Variants in SPINK5 observed in about 807,000 individuals in gnomAD.
SPINK5 encodes the protein serine peptidase inhibitor Kazal type 5, also known as serine protease inhibitor Kazal-type 5.
Under a neutral mutation model 151.8 loss-of-function variants are expected in SPINK5, and 125 were observed. The observed-to-expected ratio is 0.82, with a 90% confidence interval of 0.71 to 0.96. SPINK5 has a LOEUF of 0.96. Among genes scored for constraint, SPINK5 ranks in the 40% least tolerant of loss-of-function variants. SPINK5 has a pLI of 0.00. For synonymous variants in SPINK5, 374 were observed against 395.3 expected (o/e 0.95, Z 0.64); for missense variants, 1,194 against 1,291.9 (o/e 0.92, Z 1.16).
chr5:148,126,654 C>T (rs1226211723), intron 29 of SPINK5, among the ~76,000 whole-genome samples: 2 of 152,124 alleles, frequency 1.3e-5, no homozygotes, highest in South Asian at 2.1e-4. Flanking sequence ...TGCAATGGTG[C>T]GATCTCAGTT....
intron 29 of SPINK5, among the ~76,000 whole-genome samples, 163 bp downstream of exon 29, chr5:148,126,013 A>C (rs958545179): frequency 1.3e-5 from 2 of 152,194 alleles, no homozygotes; most frequent in African/African-American, 4.8e-5. Flanking sequence ...AGTAGAAAGA[A>C]CACTGAGACT....
At chr5:148,101,120 T>A (rs983965638) in intron 13 of SPINK5, among the ~76,000 whole-genome samples, 2 of 152,116 alleles carry the variant, frequency 1.3e-5, no homozygotes, top group South Asian at 2.1e-4. Flanking sequence ...ACTTATTATT[T>A]CTATATCTTC....
In SPINK5 at chr5:148,086,392, A is replaced by G. The variant is rs1399641176; in HGVS notation, c.283-13A>G. On this transcript the variant is annotated splice_polypyrimidine_tract_variant and intron_variant, in intron 4 of 32. Transcript: ENST00000256084. The stretch of plus-strand genomic sequence containing the variant: ...TCTTACATTTTGACGTTCCTTGATC[A>G]TGTCTTTTGCAGCTGAATTGTGATG... 1.2e-6 allele frequency: 2 copies of G among 1,609,464 alleles called. No homozygotes were observed. The highest frequency in any genetic ancestry group is 2.2e-5 in the South Asian group (2 of 91,006).
intron 31 of SPINK5, among the ~76,000 whole-genome samples, chr5:148,132,212 C>T (rs373465638): frequency 1.7e-4 from 26 of 152,264 alleles, no homozygotes; most frequent in African/African-American, 6.0e-4. Context: ...TTCCCTTCTC[C>T]TGGCCACCAT....
At position 148,127,098 on chromosome 5, in the gene SPINK5, G is replaced by A; in HGVS notation, c.2964+19G>A. ...TTCTCTGGTAAGGAGGACTATTTCT[G>A]AAAAGCTACTTATCAATTTAATTTT... On this transcript the variant is annotated intron_variant, in intron 30 of 32. Transcript: ENST00000256084. 1 of 1,590,676 alleles carries A rather than the reference G, an allele frequency of 6.3e-7. No individual in the cohort carries two copies. Among genetic ancestry groups the A allele is most frequent in the Non-Finnish European group, 8.6e-7 (1 of 1,161,002 alleles).
intron 7 of SPINK5, among the ~76,000 whole-genome samples, chr5:148,090,343 G>A (rs1252966118): frequency 1.3e-5 from 2 of 151,758 alleles, no homozygotes; most frequent in East Asian, 3.9e-4. Context: ...ATTACAGTTA[G>A]TCCTTGTAGA....
At chr5:148,095,999 A>G (rs1581075224) in intron 10 of SPINK5, 94 bp downstream of exon 10, 1 of 940,886 alleles carries the variant, frequency 1.1e-6, no homozygotes, top group Non-Finnish European at 1.7e-6. Flanking sequence ...TGCACTTTCA[A>G]TATTGTTTAA....
chr5:148,105,476 T>C (rs1753756532), intron 16 of SPINK5, among the ~76,000 whole-genome samples: 1 of 152,248 alleles, frequency 6.6e-6, no homozygotes, highest in South Asian at 2.1e-4. Flanking sequence ...GATTATTAAG[T>C]TGGGCCTCTG....
chr5:148,065,361 A>G lies in SPINK5; in HGVS notation c.70A>G (p.Asn24Asp). The part of the protein sequence containing the change: ...LCLIQDAASK[N>D]EDQEMCHEFQ... ...TTTCATCCCAGATGCTGCCAGTAAG[A>G]ATGAAGATCAGGTTAGTCCTGCTTT... The change falls in exon 2 of 33, where the codon AAT becomes GAT. Residue 24 changes from asparagine to aspartate, a missense_variant. Transcript: ENST00000256084. 1.9e-6 allele frequency: 3 copies of G among 1,613,578 alleles called. No individual in the cohort carries two copies. The highest frequency in any genetic ancestry group is 1.7e-6 in the Non-Finnish European group (2 of 1,179,814).
At chr5:148,091,766 C>CT (rs1312263162) in intron 8 of SPINK5, among the ~76,000 whole-genome samples, 13 of 74,858 alleles carry the variant, frequency 1.7e-4, no homozygotes, top group Admixed American at 9.8e-4. Context: ...CTTGATTCTG[C>CT]TTTAAAAAAA....
At chr5:148,073,814 TCACACACACACACACACACACA>T (rs67549762) in intron 4 of SPINK5, among the ~76,000 whole-genome samples, 1 of 113,814 alleles carries the variant, frequency 8.8e-6, no homozygotes, top group Non-Finnish European at 1.8e-5. Flanking sequence ...TATGCCTGAG[TCACACACACACACACACACACA>T]CACACACACA....
At chr5:148,128,476 A>G (rs72660263) in intron 30 of SPINK5, among the ~76,000 whole-genome samples, 16,355 of 152,102 alleles carry the variant, frequency 0.11, 1,137 homozygotes, top group East Asian at 0.31. Context: ...TCAGTCTACA[A>G]ATACTTACTG....
At chr5:148,065,206 CTT>C in intron 1 of SPINK5, 139 bp from the exon 2 acceptor site, 1 of 803,090 alleles carries the variant, frequency 1.2e-6, no homozygotes, top group Non-Finnish European at 2.0e-6. Flanking sequence ...CATGATAAAT[CTT>C]AATGTGTTCA....
chr5:148,118,943 A>G (rs1293602976), intron 23 of SPINK5, 43 bp from the exon 24 acceptor site: 1 of 1,594,378 alleles, frequency 6.3e-7, no homozygotes, highest in Admixed American at 1.7e-5. Context: ...ATCCAGGGTC[A>G]ATATTTGTTA....
At chr5:148,075,647 T>C (rs1752859330) in intron 4 of SPINK5, among the ~76,000 whole-genome samples, 1 of 151,716 alleles carries the variant, frequency 6.6e-6, no homozygotes, top group African/African-American at 2.4e-5. Context: ...TAGACAAAAT[T>C]GACCAAAAAC....
chr5:148,114,260 T>G, intron 20 of SPINK5, 102 bp from the exon 21 acceptor site: 10 of 1,328,966 alleles, frequency 7.5e-6, no homozygotes, highest in African/African-American at 1.7e-5. Flanking sequence ...TCTCAGGTCA[T>G]TTTCTCTCTC....
intron 12 of SPINK5, 104 bp from the exon 13 acceptor site, chr5:148,100,350 G>C: frequency 8.0e-7 from 1 of 1,255,466 alleles, no homozygotes; most frequent in Non-Finnish European, 1.2e-6. Context: ...AAAATCCTCA[G>C]CTCAAAGAGA....
At chr5:148,102,749 A>G (rs763484734) in intron 15 of SPINK5, among the ~76,000 whole-genome samples, 2 of 152,124 alleles carry the variant, frequency 1.3e-5, no homozygotes, top group Non-Finnish European at 2.9e-5. Flanking sequence ...CTTTCTTCCT[A>G]CTTATTCTAT....
At position 148,089,513 on chromosome 5, in the gene SPINK5, G is replaced by C; in HGVS notation, c.494G>C (p.Arg165Pro). ...CTTCAGGATGTATGCAGTGCTTTTC[G>C]GCCCTTTGTTAGAGATGGAAGACTT... is the stretch of plus-strand genomic sequence containing the variant. Reference protein sequence around the residue: ...NPEQDVCSAFRPFVRDGRLGC... With the variant: ...NPEQDVCSAFPPFVRDGRLGC... The change falls in exon 7 of 33, where the codon CGG becomes CCG. Residue 165 changes from arginine (R) to proline (P), a missense_variant. By Grantham distance (103) the Arg-to-Pro change is moderately radical. Coordinates refer to ENST00000256084, the MANE Select transcript of SPINK5 (RefSeq NM_006846.4). The C allele has an allele frequency of 6.2e-7, 1 of 1,611,536 alleles. No individual in the cohort carries two copies. The highest frequency in any genetic ancestry group is 2.2e-5 in the East Asian group (1 of 44,740).
Sources: gnomAD v4.1 joint callset for allele counts (sites outside exome capture counted in the v4.1 genomes callset) on GRCh38, gnomAD v4.1.1 for gene constraint, MANE v1.5 for transcripts, NCBI Gene and HGNC (gene_info 2026-07-23, HGNC 2026-07-21) for gene names.